Variants in SETD2 observed in about 807,000 individuals in gnomAD.
The protein encoded by SETD2 is histone-lysine N-methyltransferase SETD2.
In SETD2, 31 loss-of-function variants were observed where a neutral mutation model predicts 242.1. That is an observed-to-expected ratio of 0.13 (90% CI 0.10 to 0.17). The LOEUF is 0.17. SETD2 is among the 10% of genes least tolerant of loss of function. The probability of loss-of-function intolerance (pLI) is 1.00; values close to 1 mark genes in which losing one functional copy is unlikely to be tolerated. For synonymous variants in SETD2, 1,006 were observed against 1,066.5 expected (o/e 0.94, Z 1.11); for missense variants, 2,481 against 3,046.3 (o/e 0.81, Z 4.37).
At chr3:47,079,163 T>C (rs2041225924) in intron 12 of SETD2, among the ~76,000 whole-genome samples, 1 of 152,216 alleles carries the variant, frequency 6.6e-6, no homozygotes. Context: ...CTTGCAGTTT[T>C]TCATTGAGCC....
intron 1 of SETD2, among the ~76,000 whole-genome samples, chr3:47,149,994 C>A (rs1173346655): frequency 1.4e-5 from 2 of 144,436 alleles, no homozygotes; most frequent in African/African-American, 5.1e-5. Flanking sequence ...AATTTTCTAT[C>A]ATTTTTCAGT....
intron 18 of SETD2, among the ~76,000 whole-genome samples, chr3:47,026,808 G>A (rs1049527665): frequency 3.3e-5 from 5 of 152,070 alleles, no homozygotes; most frequent in African/African-American, 1.2e-4. Flanking sequence ...GCCTGTCAGG[G>A]GGTAGGGGAC....
At chr3:47,099,069 G>A (rs1021229349) in intron 8 of SETD2, among the ~76,000 whole-genome samples, 1 of 152,114 alleles carries the variant, frequency 6.6e-6, no homozygotes, top group East Asian at 1.9e-4. Context: ...TCTGGCATTT[G>A]TCCTAGATTA....
chr3:47,051,464 C>G (rs1196566891), intron 15 of SETD2, among the ~76,000 whole-genome samples: 1 of 152,094 alleles, frequency 6.6e-6, no homozygotes, highest in African/African-American at 2.4e-5. Context: ...GCCAGTGATC[C>G]TCTCAAAATA....
chr3:47,098,745 G>A (rs559335834), intron 8 of SETD2, among the ~76,000 whole-genome samples: 36 of 152,152 alleles, frequency 2.4e-4, no homozygotes, highest in Admixed American at 1.7e-3. Flanking sequence ...GCAGTGAGCC[G>A]AGATTGCACC....
chr3:47,138,397 G>A (rs2043644262), intron 1 of SETD2: 1 of 165,048 alleles, frequency 6.1e-6, no homozygotes, highest in Non-Finnish European at 1.3e-5. Flanking sequence ...AGCCTCCCAT[G>A]TATAGCTGGG....
intron 15 of SETD2, among the ~76,000 whole-genome samples, chr3:47,056,515 G>A (rs2040088013): frequency 6.6e-6 from 1 of 152,180 alleles, no homozygotes. Flanking sequence ...AACAATGTGA[G>A]TAGGTTGGAA....
chr3:47,079,437 T>TA (rs958664565), intron 12 of SETD2, among the ~76,000 whole-genome samples: 4 of 152,116 alleles, frequency 2.6e-5, no homozygotes, highest in Non-Finnish European at 5.9e-5. Context: ...AAGACTTTTT[T>TA]AAAAAAACTA....
Position 47,017,804 on chromosome 3 carries a change from G to T in SETD2, c.7432-65C>A. The T allele has an allele frequency of 9.1e-7, 1 of 1,099,586 alleles. No individual in the cohort carries two copies. The highest frequency in any genetic ancestry group is 1.4e-6 in the Non-Finnish European group (1 of 712,980). 68.1% of individuals were successfully genotyped at this position (1,099,586 alleles called of 1,614,324 possible). ...AGAGAGGGCAAGGAGTTGTACTGAG[G>T]AAATAACTAGAAAAGGTAGTGAGTA... On this transcript the variant is annotated intron_variant, in intron 19 of 20. Transcript: ENST00000409792. The surrounding 1 kb of genome is among the most constrained non-coding windows in gnomAD (Gnocchi z 4.8).
upstream of SETD2, among the ~76,000 whole-genome samples, chr3:47,164,233 G>A (rs1452057417): frequency 2.0e-5 from 3 of 152,200 alleles, no homozygotes; most frequent in South Asian, 2.1e-4. This position sits in a 1 kb window ranked among gnomAD's most constrained non-coding sequence, Gnocchi z 5.4. Flanking sequence ...GTGCCTTGCA[G>A]CTGTTGGCTT....
chr3:47,038,273 GC>G (rs924875787), intron 17 of SETD2, among the ~76,000 whole-genome samples: 21 of 152,210 alleles, frequency 1.4e-4, no homozygotes, highest in African/African-American at 3.9e-4. Context: ...TAATAGTTCT[GC>G]CCCTCTGGTT....
intron 12 of SETD2, among the ~76,000 whole-genome samples, chr3:47,073,150 CA>C (rs10712927): frequency 0.64 from 82,962 of 130,274 alleles, 24,826 homozygotes; most frequent in African/African-American, 0.73. Flanking sequence ...CATTCCATCT[CA>C]AAAAAAAAAA....
At chr3:47,103,998 T>C (rs938936721) in intron 6 of SETD2, among the ~76,000 whole-genome samples, 26 of 152,220 alleles carry the variant, frequency 1.7e-4, no homozygotes, top group African/African-American at 6.3e-4. Flanking sequence ...TATGTCACAA[T>C]GCCATAGGTC....
intron 1 of SETD2, among the ~76,000 whole-genome samples, chr3:47,137,253 C>T (rs541321696): frequency 1.3e-4 from 19 of 151,870 alleles, no homozygotes; most frequent in African/African-American, 4.3e-4. Context: ...ATTGCAGTAG[C>T]GTGATCTCGA....
At position 47,123,699 on chromosome 3, in the gene SETD2, G is replaced by C. The variant is rs2106710179; in HGVS notation, c.937C>G (p.Gln313Glu). ...GAACCAAGAAAGATGCCTTCAGATT[G>C]TGAGGATTTCTTCTTAGAACCTGTT... is the stretch of plus-strand genomic sequence containing the variant. ...KKTGSKKKSSQSEGIFLGSES... is the reference protein window; with the variant it reads ...KKTGSKKKSSESEGIFLGSES... Residue 313 changes from glutamine to glutamate, a missense_variant, in exon 3 of 21, where the codon CAA becomes GAA. By Grantham distance (29) the Gln-to-Glu change is conservative. Coordinates refer to ENST00000409792, the MANE Select transcript of SETD2 (RefSeq NM_014159.7). 1 of 1,551,392 alleles carries C rather than the reference G, an allele frequency of 6.4e-7. No individual in the cohort carries two copies. Among genetic ancestry groups the C allele is most frequent in the Non-Finnish European group, 8.7e-7 (1 of 1,146,904 alleles).
intron 18 of SETD2, among the ~76,000 whole-genome samples, chr3:47,037,108 T>C (rs2039040383): frequency 8.1e-6 from 1 of 123,216 alleles, no homozygotes; most frequent in African/African-American, 2.8e-5. Context: ...AGGGTTGTAA[T>C]GGGATTATTT....
intron 16 of SETD2, among the ~76,000 whole-genome samples, chr3:47,045,399 T>A (rs536818886): frequency 1.3e-5 from 2 of 151,562 alleles, no homozygotes; most frequent in African/African-American, 4.8e-5. Flanking sequence ...GCGCCTGTAG[T>A]CCCAGCTACT....
intron 18 of SETD2, among the ~76,000 whole-genome samples, chr3:47,037,155 G>C (rs868116264): frequency 8.9e-5 from 12 of 134,398 alleles, no homozygotes; most frequent in African/African-American, 3.3e-4. Flanking sequence ...TATACTTTAA[G>C]TTTTAGGGTA....
At chr3:47,118,047 A>C (rs913588256) in intron 3 of SETD2, among the ~76,000 whole-genome samples, 1 of 152,228 alleles carries the variant, frequency 6.6e-6, no homozygotes, top group African/African-American at 2.4e-5. Context: ...GATCTTCAAC[A>C]TATGTTCTAT....
Sources: allele counts gnomAD v4.1 joint callset (sites outside exome capture counted in the v4.1 genomes callset), GRCh38; gene constraint gnomAD v4.1.1; non-coding constraint Gnocchi (gnomAD v3.1); transcripts MANE v1.5; gene names NCBI Gene and HGNC (gene_info 2026-07-23, HGNC 2026-07-21).